Variants in SGCZ observed in about 807,000 individuals in gnomAD.
SGCZ encodes the protein zeta-sarcoglycan.
Under a neutral mutation model 41.3 loss-of-function variants are expected in SGCZ, and 40 were observed. The observed-to-expected ratio is 0.97, with a 90% confidence interval of 0.75 to 1.26. The LOEUF is 1.26. Ranked by LOEUF, SGCZ falls within the 50% of genes most tolerant of loss-of-function variation. SGCZ has a pLI of 0.00. For synonymous variants in SGCZ, 206 were observed against 137.5 expected, an observed-to-expected ratio of 1.50 and a Z score of -3.49; for missense variants, 552 against 369.8, an observed-to-expected ratio of 1.49 and a Z score of -4.04.
At chr8:14,949,169 G>A (rs1800549418) in intron 1 of SGCZ, among the ~76,000 whole-genome samples, 1 of 152,078 alleles carries the variant, frequency 6.6e-6, no homozygotes, top group African/African-American at 2.4e-5. Flanking sequence ...TATATACTAA[G>A]TGTTTTAGCT....
intron 1 of SGCZ, among the ~76,000 whole-genome samples, chr8:14,676,346 A>ATGTGTGTGTGTGTGTGTGTG (rs33909996): frequency 0.12 from 17,185 of 149,128 alleles, 1,276 homozygotes; most frequent in East Asian, 0.32. Flanking sequence ...AATGAAATAG[A>ATGTGTGTGTGTGTGTGTGTG]TGTGTGTGTG....
chr8:14,362,287 G>A (rs781658181), intron 2 of SGCZ, among the ~76,000 whole-genome samples: 31 of 152,214 alleles, frequency 2.0e-4, no homozygotes, highest in Admixed American at 2.0e-3. Flanking sequence ...CCCGGAGGTG[G>A]AATCTAGAGA....
At chr8:14,451,579 T>G (rs1350567311) in intron 2 of SGCZ, among the ~76,000 whole-genome samples, 2 of 152,180 alleles carry the variant, frequency 1.3e-5, no homozygotes, top group Non-Finnish European at 2.9e-5. Context: ...AGAAAGTATT[T>G]GCAAAAGACA....
At chr8:14,108,507 A>G (rs2117001829) in intron 5 of SGCZ, among the ~76,000 whole-genome samples, 1 of 152,310 alleles carries the variant, frequency 6.6e-6, no homozygotes, top group African/African-American at 2.4e-5. Flanking sequence ...TGGCAAGAGA[A>G]AAATGAGGAA....
In SGCZ at chr8:14,676,180, C is replaced by A. The variant is rs1049708064; in HGVS notation, c.40-121254G>T. 2.0e-5 allele frequency among the ~76,000 whole-genome samples: 3 copies of A among 152,172 alleles called. 1 individual carries two copies. Among genetic ancestry groups the A allele is most frequent in the African/African-American group, 7.2e-5 (3 of 41,458 alleles). Reference sequence around the variant, plus strand: ...TATAATGTTGAACCTAGACTACAGGCTATTCTGTCTCTGCACTCAAAAGTA... The same window carrying A: ...TATAATGTTGAACCTAGACTACAGGATATTCTGTCTCTGCACTCAAAAGTA... On this transcript the variant is annotated intron_variant, in intron 1 of 7. Transcript: ENST00000382080.
chr8:14,755,877 A>C (rs1799650150), intron 1 of SGCZ, among the ~76,000 whole-genome samples: 1 of 152,174 alleles, frequency 6.6e-6, no homozygotes, highest in Non-Finnish European at 1.5e-5. Context: ...AAAAAAAGTA[A>C]AAATAAAAAA....
At chr8:14,604,584 T>C (rs1281061439) in intron 1 of SGCZ, among the ~76,000 whole-genome samples, 1 of 152,152 alleles carries the variant, frequency 6.6e-6, no homozygotes, top group African/African-American at 2.4e-5. Context: ...AATGAGGTGA[T>C]AATTGCCCTA....
At chr8:14,961,488 G>C (rs1320584366) in intron 1 of SGCZ, among the ~76,000 whole-genome samples, 3 of 152,102 alleles carry the variant, frequency 2.0e-5, no homozygotes, top group East Asian at 1.9e-4. Flanking sequence ...GAGAGAGAGA[G>C]AGAGATCCCA....
At chr8:15,189,436 C>G (rs1800458344) in intron 1 of SGCZ, among the ~76,000 whole-genome samples, 1 of 152,188 alleles carries the variant, frequency 6.6e-6, no homozygotes, top group African/African-American at 2.4e-5. Context: ...AGAAAGCTTT[C>G]CCTCCAAAAG....
At chr8:14,819,741 G>A (rs1802017135) in intron 1 of SGCZ, among the ~76,000 whole-genome samples, 1 of 152,044 alleles carries the variant, frequency 6.6e-6, no homozygotes, top group Non-Finnish European at 1.5e-5. Context: ...AGAGAAGAGG[G>A]AAAAATTGTA....
At chr8:14,129,325 G>A (rs1316120325) in intron 5 of SGCZ, among the ~76,000 whole-genome samples, 2 of 113,796 alleles carry the variant, frequency 1.8e-5, no homozygotes, top group African/African-American at 6.6e-5. Flanking sequence ...CAGCCTGGGT[G>A]ACAGAGCGAG....
intron 1 of SGCZ, among the ~76,000 whole-genome samples, chr8:14,606,178 C>T (rs574535964): frequency 3.9e-5 from 6 of 152,126 alleles, no homozygotes; most frequent in Non-Finnish European, 7.4e-5. Context: ...TAGCCATCTC[C>T]TCCCTCTTGT....
chr8:15,098,163 A>C (rs1806458072), intron 1 of SGCZ, among the ~76,000 whole-genome samples: 1 of 151,948 alleles, frequency 6.6e-6, no homozygotes, highest in African/African-American at 2.4e-5. Flanking sequence ...AAGAAAACAG[A>C]TGTTGTAAAA....
At chr8:15,039,621 C>T (rs1302623711) in intron 1 of SGCZ, among the ~76,000 whole-genome samples, 3 of 152,154 alleles carry the variant, frequency 2.0e-5, no homozygotes, top group African/African-American at 7.2e-5. Context: ...AGAATATTTC[C>T]ATATCTTATT....
At chr8:14,258,837 T>C (rs1308748614) in intron 3 of SGCZ, among the ~76,000 whole-genome samples, 1 of 152,166 alleles carries the variant, frequency 6.6e-6, no homozygotes, top group Non-Finnish European at 1.5e-5. Context: ...ATAGGTCAGT[T>C]TGTAGAAACT....
chr8:14,542,575 C>T (rs1803503030), intron 2 of SGCZ, among the ~76,000 whole-genome samples: 1 of 152,096 alleles, frequency 6.6e-6, no homozygotes, highest in Non-Finnish European at 1.5e-5. Context: ...TATTTATACA[C>T]AGATTCTATT....
At chr8:14,742,065 T>C (rs1435715859) in intron 1 of SGCZ, among the ~76,000 whole-genome samples, 1 of 152,036 alleles carries the variant, frequency 6.6e-6, no homozygotes, top group East Asian at 1.9e-4. Flanking sequence ...AACTGGAGTA[T>C]AGTACTGATT....
chr8:14,356,916 AT>A (rs1803317084), intron 2 of SGCZ, among the ~76,000 whole-genome samples: 1 of 152,082 alleles, frequency 6.6e-6, no homozygotes, highest in Admixed American at 6.6e-5. Flanking sequence ...AAGTATTATA[AT>A]TTTGGCATAA....
chr8:14,188,834 G>GTTTTTTTT (rs869252351), intron 4 of SGCZ, among the ~76,000 whole-genome samples: 1 of 61,768 alleles, frequency 1.6e-5, no homozygotes, highest in Non-Finnish European at 2.6e-5. Flanking sequence ...GTTTTTTTTT[G>GTTTTTTTT]TTTGTTTGTT....
Sources: gnomAD v4.1 joint callset for allele counts (sites outside exome capture counted in the v4.1 genomes callset) on GRCh38, gnomAD v4.1.1 for gene constraint, MANE v1.5 for transcripts, NCBI Gene and HGNC (gene_info 2026-07-23, HGNC 2026-07-21) for gene names.